The following TFEC variants were observed in gnomAD, a reference collection of about 807,000 sequenced individuals.
TFEC encodes the protein transcription factor EC.
A neutral mutation model predicts 41.6 loss-of-function variants in TFEC; 31 were observed. The ratio of observed to expected loss-of-function variants is 0.74; its 90% CI spans 0.56 to 1.01. The LOEUF (loss-of-function observed/expected upper bound fraction) is 1.01, where lower values mean the gene tolerates loss of function less well. Among genes scored for constraint, TFEC ranks in the 50% least tolerant of loss-of-function variants. TFEC has a pLI of 0.00. For synonymous variants in TFEC, 143 were observed against 140.6 expected (o/e 1.02, Z -0.12); for missense variants, 402 against 404.1 (o/e 0.99, Z 0.04).
chr7:115,940,561 TCAC>T lies in TFEC; in HGVS notation c.1031_1033del (p.Gly344del). On this transcript the variant is annotated inframe_deletion, in exon 8 of 8. Transcript: ENST00000265440. ...GGGTCTGTTTATTTCTTATAATTCA[TCAC>T]CATCATCTGAGCTAAAGCTACTTCT... is the stretch of plus-strand genomic sequence containing the variant. 6.2e-7 allele frequency: 1 copy of T among 1,609,052 alleles called. No homozygotes were observed. Among genetic ancestry groups the T allele is most frequent in the Non-Finnish European group, 8.5e-7 (1 of 1,177,152 alleles).
chr7:116,024,235 G>A (rs1156305523), intron 1 of TFEC, among the ~76,000 whole-genome samples: 3 of 152,050 alleles, frequency 2.0e-5, no homozygotes, highest in African/African-American at 4.8e-5. Context: ...TAGCAAAACC[G>A]TGATTTCTGA....
intron 1 of TFEC, among the ~76,000 whole-genome samples, chr7:116,154,692 C>T (rs867104225): frequency 6.6e-6 from 1 of 152,056 alleles, no homozygotes; most frequent in African/African-American, 2.4e-5. Flanking sequence ...TTCCTTTCTC[C>T]CAGGTTCTGT....
At chr7:116,125,751 A>G (rs1046843908) in intron 1 of TFEC, among the ~76,000 whole-genome samples, 8 of 152,308 alleles carry the variant, frequency 5.3e-5, no homozygotes, top group African/African-American at 1.9e-4. Flanking sequence ...ACGAAGACCA[A>G]AAGAGGGTAA....
intron 3 of TFEC, among the ~76,000 whole-genome samples, chr7:116,082,587 T>C (rs1404151563): frequency 6.6e-6 from 1 of 152,032 alleles, no homozygotes; most frequent in Non-Finnish European, 1.5e-5. Flanking sequence ...TTAAACACTG[T>C]TCATCGAGAA....
At chr7:116,071,047 T>C (rs1210858024) in intron 3 of TFEC, among the ~76,000 whole-genome samples, 1 of 151,354 alleles carries the variant, frequency 6.6e-6, no homozygotes, top group Non-Finnish European at 1.5e-5. Context: ...AGACAAAGAT[T>C]CAAATGATAA....
chr7:116,117,504 C>T (rs990395833), intron 1 of TFEC: 2 of 151,662 alleles, frequency 1.3e-5, no homozygotes, highest in Non-Finnish European at 1.5e-5. Flanking sequence ...TCATCATAGG[C>T]AATTATTTCA....
At chr7:116,075,569 G>C (rs1409101888) in intron 3 of TFEC, among the ~76,000 whole-genome samples, 1 of 152,124 alleles carries the variant, frequency 6.6e-6, no homozygotes. Context: ...CAGCCTTTAA[G>C]ACTGCCATCT....
intron 1 of TFEC, among the ~76,000 whole-genome samples, chr7:115,992,455 G>A (rs886826445): frequency 6.6e-6 from 1 of 152,054 alleles, no homozygotes; most frequent in African/African-American, 2.4e-5. Flanking sequence ...TTGATAGACC[G>A]CTAGCAAGAC....
chr7:116,101,196 C>CCA (rs1562969546), intron 3 of TFEC, among the ~76,000 whole-genome samples: 3 of 138,890 alleles, frequency 2.2e-5, no homozygotes, highest in Non-Finnish European at 4.6e-5. Context: ...ATGCCCCCCC[C>CCA]CAAAAAAAAG....
At chr7:116,093,834 C>A (rs1345521055) in intron 3 of TFEC, among the ~76,000 whole-genome samples, 1 of 152,130 alleles carries the variant, frequency 6.6e-6, no homozygotes, top group Admixed American at 6.6e-5. Context: ...ATAGACATAA[C>A]CTGACCCACC....
chr7:116,107,775 TAGTC>T (rs1797754880), intron 3 of TFEC, among the ~76,000 whole-genome samples: 2 of 152,164 alleles, frequency 1.3e-5, no homozygotes, highest in Admixed American at 1.3e-4. Flanking sequence ...CACTAGGTCA[TAGTC>T]AGAGAACAGT....
intron 3 of TFEC, among the ~76,000 whole-genome samples, chr7:116,102,645 C>T (rs1352683497): frequency 6.6e-6 from 1 of 152,154 alleles, no homozygotes; most frequent in Non-Finnish European, 1.5e-5. Context: ...AATTTTAAGG[C>T]TTGACTAAGT....
At chr7:116,158,836 C>A (rs911466404) in intron 1 of TFEC, among the ~76,000 whole-genome samples, 2 of 151,906 alleles carry the variant, frequency 1.3e-5, no homozygotes, top group African/African-American at 2.4e-5. Flanking sequence ...AAGACATTTT[C>A]TTATTATATT....
intron 3 of TFEC, among the ~76,000 whole-genome samples, chr7:116,095,551 C>T (rs1216467584): frequency 6.6e-6 from 1 of 152,190 alleles, no homozygotes; most frequent in Non-Finnish European, 1.5e-5. Flanking sequence ...TAAGACTTTA[C>T]TGTGATGTAC....
chr7:116,138,259 T>C (rs964050320), intron 1 of TFEC, among the ~76,000 whole-genome samples: 1 of 152,228 alleles, frequency 6.6e-6, no homozygotes, highest in Non-Finnish European at 1.5e-5. Context: ...GTGTTAGATG[T>C]ACATGGTATT....
chr7:116,007,124 AC>A (rs1218350611), intron 1 of TFEC, among the ~76,000 whole-genome samples: 3 of 152,166 alleles, frequency 2.0e-5, no homozygotes, highest in Admixed American at 2.0e-4. Flanking sequence ...CTACGGTTTT[AC>A]CTTTTTGTGT....
chr7:116,134,481 C>T (rs1798397820), intron 1 of TFEC, among the ~76,000 whole-genome samples: 1 of 152,138 alleles, frequency 6.6e-6, no homozygotes, highest in African/African-American at 2.4e-5. Flanking sequence ...GACCTGTTTT[C>T]CACCTAAATT....
At chr7:116,142,913 G>T (rs1798570130) in intron 1 of TFEC, among the ~76,000 whole-genome samples, 1 of 152,166 alleles carries the variant, frequency 6.6e-6, no homozygotes, top group African/African-American at 2.4e-5. Flanking sequence ...TGGTATAAAT[G>T]TAGCATAGAC....
chr7:115,941,898 T>C lies in TFEC; in HGVS notation c.658A>G (p.Ile220Val). Residue 220 changes from isoleucine to valine, a missense_variant, in exon 7 of 8, where the codon ATT becomes GTT. Ile to Val is a conservative substitution (Grantham distance 29). Coordinates refer to ENST00000265440, the MANE Select transcript of TFEC (RefSeq NM_012252.4). ...EQANRRLLLR[I>V]QELEIQARTH... is the part of the protein sequence containing the mutation. ...GGCTACATTCTTATAAAAACCTGAATCCGAAGTAGAAGTCGCCTGTTAGCC... is the reference window on the plus strand; with the variant it reads ...GGCTACATTCTTATAAAAACCTGAACCCGAAGTAGAAGTCGCCTGTTAGCC... 1 of 1,613,080 alleles carries C rather than the reference T, an allele frequency of 6.2e-7. No homozygotes were observed. The highest frequency in any genetic ancestry group is 8.5e-7 in the Non-Finnish European group (1 of 1,179,414).
Sources: gnomAD v4.1 joint callset for allele counts (sites outside exome capture counted in the v4.1 genomes callset) on GRCh38, gnomAD v4.1.1 for gene constraint, MANE v1.5 for transcripts, NCBI Gene and HGNC (gene_info 2026-07-23, HGNC 2026-07-21) for gene names.